The following C17orf67 variants were observed in gnomAD, a reference collection of about 807,000 sequenced individuals.
C17orf67 encodes uncharacterized protein C17orf67.
C17orf67 carries 12 observed loss-of-function variants against 11.2 expected under a neutral mutation model. The observed-to-expected ratio is 1.07, with a 90% CI of 0.68 to 1.73. The LOEUF (loss-of-function observed/expected upper bound fraction) is 1.73. Among genes scored for constraint, C17orf67 ranks in the 40% most tolerant of loss-of-function variants. The pLI is 0.00. For missense variants in C17orf67, 115 were observed against 113.5 expected (o/e 1.01, Z -0.06); for synonymous variants, 59 against 46.9 (o/e 1.26, Z -1.05).
chr17:56,801,581 TTTTCA>T (rs1229410574), intron 6 of C17orf67, among the ~76,000 whole-genome samples: 1 of 152,156 alleles, frequency 6.6e-6, no homozygotes, highest in Admixed American at 6.5e-5. Context: ...ATGGTTGTTG[TTTTCA>T]TTTAACTCAT....
At chr17:56,795,300 A>T in intron 6 of C17orf67, 120 bp from the exon 7 acceptor site, 1 of 845,876 alleles carries the variant, frequency 1.2e-6, no homozygotes, top group Non-Finnish European at 1.9e-6. Context: ...CAGGGAGAAG[A>T]AATCAACGGC....
intron 6 of C17orf67, among the ~76,000 whole-genome samples, chr17:56,801,220 CA>C (rs2144117347): frequency 6.6e-6 from 1 of 152,300 alleles, no homozygotes; most frequent in South Asian, 2.1e-4. Flanking sequence ...TCCATACAAA[CA>C]GCAGGCCAAT....
chr17:56,793,510 T>C (rs1281696464), intron 7 of C17orf67, among the ~76,000 whole-genome samples: 1 of 152,168 alleles, frequency 6.6e-6, no homozygotes, highest in Admixed American at 6.5e-5. Flanking sequence ...CCCAGAAACC[T>C]CTCCTTTAAC....
rs77095185 is a variant in C17orf67 at position 56,827,034 on chromosome 17, T to C, written c.-556-1713A>G. Among the ~76,000 whole-genome samples, 62 of 152,372 alleles carry C rather than the reference T, an allele frequency of 4.1e-4. No individual in the cohort carries two copies. In the East Asian group the frequency reaches 0.012, roughly 29 times the overall value. ...TAGTTAAGTGCTCAGCCAGTACGTG[T>C]TTAATAAATAACCAACAAGAGCATA... On this transcript the variant is annotated intron_variant, in intron 2 of 7. Coordinates refer to ENST00000397861, the MANE Select transcript of C17orf67 (RefSeq NM_001085430.4).
In C17orf67 at chr17:56,832,008, T is replaced by C. The variant is rs949014358; in HGVS notation, c.-557+890A>G. 2.6e-5 allele frequency among the ~76,000 whole-genome samples: 4 copies of C among 152,260 alleles called. No individual in the cohort carries two copies. In the East Asian group the frequency reaches 5.8e-4, roughly 22 times the overall value. On this transcript the variant is annotated intron_variant, in intron 2 of 7. Transcript: ENST00000397861. The stretch of plus-strand genomic sequence containing the variant: ...TGTCGCCCCGGCTGGAATACATTGG[T>C]GCGATCTCAGCTCACTGCAACCTCC...
At chr17:56,821,626 T>C (rs1477664846) in intron 4 of C17orf67, among the ~76,000 whole-genome samples, 1 of 152,192 alleles carries the variant, frequency 6.6e-6, no homozygotes, top group East Asian at 1.9e-4. Context: ...ATGATCTTCA[T>C]GAAATAGACA....
rs550337976 is a variant in C17orf67 at position 56,817,353 on chromosome 17, G to A, written c.-200-1343C>T. ...TAAACCTGAATGTGCTGCCCACACA[G>A]TCAACATAAAGATATTTTGAGCAGA... On this transcript the variant is annotated intron_variant, in intron 4 of 7. Coordinates refer to ENST00000397861, the MANE Select transcript of C17orf67 (RefSeq NM_001085430.4). Among the ~76,000 whole-genome samples, 10 of 152,130 alleles carry A rather than the reference G, an allele frequency of 6.6e-5. No homozygotes were observed. In the South Asian group the frequency reaches 2.1e-3, roughly 32 times the overall value.
intron 6 of C17orf67, among the ~76,000 whole-genome samples, chr17:56,807,428 TGGGGG>T (rs1905480286): frequency 6.6e-6 from 1 of 152,118 alleles, no homozygotes; most frequent in Non-Finnish European, 1.5e-5. Context: ...AGGGATCACC[TGGGGG>T]TTAGGGAGGC....
intron 6 of C17orf67, among the ~76,000 whole-genome samples, chr17:56,800,565 C>A (rs1905296271): frequency 6.6e-6 from 1 of 152,152 alleles, no homozygotes; most frequent in African/African-American, 2.4e-5. Context: ...CCTGAACGGG[C>A]CATGCTTGCT....
intron 6 of C17orf67, among the ~76,000 whole-genome samples, chr17:56,798,478 G>A (rs903421837): frequency 1.4e-4 from 22 of 152,118 alleles, no homozygotes; most frequent in Middle Eastern, 3.4e-3. Context: ...CACCTGCATT[G>A]ACACAGCACC....
At chr17:56,823,413 C>T (rs1365752829) in intron 4 of C17orf67, among the ~76,000 whole-genome samples, 1 of 151,978 alleles carries the variant, frequency 6.6e-6, no homozygotes, top group African/African-American at 2.4e-5. Flanking sequence ...AAAGAAAAAG[C>T]AACTTGGGGA....
chr17:56,797,406 C>T (rs913901184), intron 6 of C17orf67, among the ~76,000 whole-genome samples: 2 of 152,042 alleles, frequency 1.3e-5, no homozygotes, highest in Non-Finnish European at 2.9e-5. Context: ...GAACAAACAG[C>T]CCATCCTCTC....
intron 4 of C17orf67, among the ~76,000 whole-genome samples, chr17:56,823,593 T>A (rs1905956900): frequency 6.6e-6 from 1 of 152,044 alleles, no homozygotes; most frequent in Non-Finnish European, 1.5e-5. Flanking sequence ...AGCAGAAATT[T>A]AAAACTCAGT....
chr17:56,808,031 C>T (rs1905499340), intron 6 of C17orf67, among the ~76,000 whole-genome samples: 1 of 152,084 alleles, frequency 6.6e-6, no homozygotes, highest in South Asian at 2.1e-4. Flanking sequence ...AGGGTTCATC[C>T]CATTCCTATG....
At chr17:56,830,551 C>T (rs575466038) in intron 2 of C17orf67, among the ~76,000 whole-genome samples, 2 of 152,080 alleles carry the variant, frequency 1.3e-5, no homozygotes, top group Admixed American at 1.3e-4. Context: ...AAGAAATCCC[C>T]TTGGACAACA....
chr17:56,827,823 T>A (rs117834500), intron 2 of C17orf67, among the ~76,000 whole-genome samples: 1 of 152,194 alleles, frequency 6.6e-6, no homozygotes, highest in Non-Finnish European at 1.5e-5. Context: ...GTCAATGTAT[T>A]AGGAATGGAC....
intron 4 of C17orf67, among the ~76,000 whole-genome samples, chr17:56,823,602 G>C (rs1905957120): frequency 6.6e-6 from 1 of 152,048 alleles, no homozygotes; most frequent in Non-Finnish European, 1.5e-5. Context: ...TTAAAACTCA[G>C]TTGAGTCAAG....
At chr17:56,814,316 G>C (rs1471100517) in intron 6 of C17orf67, among the ~76,000 whole-genome samples, 1 of 152,296 alleles carries the variant, frequency 6.6e-6, no homozygotes. Context: ...CAGCATAGCA[G>C]GGTCTAGTAA....
intron 4 of C17orf67, among the ~76,000 whole-genome samples, chr17:56,817,856 AT>A (rs11412722): frequency 4.8e-4 from 71 of 149,108 alleles, no homozygotes; most frequent in African/African-American, 6.9e-4. Context: ...ATTTTAGAGC[AT>A]TTTTTTTTTT....
Sources: allele counts gnomAD v4.1 joint callset (sites outside exome capture counted in the v4.1 genomes callset), GRCh38; gene constraint gnomAD v4.1.1; transcripts MANE v1.5; gene names NCBI Gene and HGNC (gene_info 2026-07-23, HGNC 2026-07-21).